PLEKHM2: variants seen among roughly 807,000 people sequenced by gnomAD.
PLEKHM2 encodes the protein pleckstrin homology domain-containing family M member 2.
PLEKHM2 carries 77 observed loss-of-function variants against 116.3 expected under a neutral mutation model. The ratio of observed to expected loss-of-function variants is 0.66; its 90% CI spans 0.55 to 0.80. PLEKHM2 has a LOEUF of 0.80. Ranked by LOEUF, PLEKHM2 falls within the 30% of genes least tolerant of loss-of-function variation. The pLI is 0.00. For synonymous variants in PLEKHM2, 562 were observed against 571.0 expected (o/e 0.98, Z 0.22); for missense variants, 1,183 against 1,354.9 (o/e 0.87, Z 1.99).
At chr1:15,683,609 G>T (rs2148322143), upstream of PLEKHM2, among the ~76,000 whole-genome samples, 1 of 151,106 alleles carries the variant, frequency 6.6e-6, no homozygotes, top group South Asian at 2.1e-4. Flanking sequence ...GGCTGAGGAG[G>T]GCTGTGGGGA....
chr1:15,733,343 TGGG>T (rs916007799), intron 19 of PLEKHM2, among the ~76,000 whole-genome samples: 2 of 152,332 alleles, frequency 1.3e-5, no homozygotes, highest in African/African-American at 4.8e-5. Context: ...TGTGCTCAGA[TGGG>T]GGGACACAAT....
chr1:15,721,484 A>G lies in PLEKHM2; in HGVS notation c.712+96A>G, dbSNP rs2067997084. 1.4e-6 allele frequency: 1 copy of G among 726,836 alleles called. No homozygotes were observed. Among genetic ancestry groups the G allele is most frequent in the Non-Finnish European group, 2.3e-6 (1 of 432,826 alleles). The allele number at this position is 726,836 out of a possible 1,614,324, so 45.0% of individuals were successfully genotyped here. On this transcript the variant is annotated intron_variant, in intron 7 of 19. Coordinates refer to ENST00000375799, the MANE Select transcript of PLEKHM2 (RefSeq NM_015164.4). The surrounding 1 kb of genome is among the most constrained non-coding windows in gnomAD (Gnocchi z 5.1). Reference sequence around the variant, plus strand: ...TCAAATCAGCTCCTTATTATTTATAATAATATCCATAATCATAATAAAGCC... The same window carrying G: ...TCAAATCAGCTCCTTATTATTTATAGTAATATCCATAATCATAATAAAGCC...
At chr1:15,712,894 AG>A (rs1641364274) in intron 1 of PLEKHM2, among the ~76,000 whole-genome samples, 1 of 151,918 alleles carries the variant, frequency 6.6e-6, no homozygotes, top group Admixed American at 6.6e-5. Flanking sequence ...TCCACCTCCT[AG>A]GGTCAAGCGA....
chr1:15,693,641 C>T (rs941750310), intron 1 of PLEKHM2, among the ~76,000 whole-genome samples: 4 of 152,216 alleles, frequency 2.6e-5, no homozygotes, highest in Admixed American at 1.3e-4. Context: ...TTATGGCTAA[C>T]ACTCCGGAGC....
In PLEKHM2 at chr1:15,733,997, T is replaced by C; in HGVS notation, c.*63T>C. ...AAGGCACGCCAGCCGGCAGGCACAC[T>C]GTCACGGCTGTTGTCATGCTGTCGG... On this transcript the variant is annotated 3_prime_UTR_variant, in exon 20 of 20. Transcript: ENST00000375799. 1.3e-6 allele frequency: 2 copies of C among 1,533,434 alleles called. No individual in the cohort carries two copies. The highest frequency in any genetic ancestry group is 1.9e-5 in the Admixed American group (1 of 51,604). 95.0% of individuals were successfully genotyped at this position (1,533,434 alleles called of 1,614,324 possible). A position where few individuals can be genotyped will look rare whatever the true frequency, so the allele number is the denominator to read the frequency against.
intron 1 of PLEKHM2, among the ~76,000 whole-genome samples, chr1:15,698,836 G>T (rs1248919550): frequency 1.3e-5 from 2 of 151,998 alleles, no homozygotes; most frequent in African/African-American, 4.8e-5. Context: ...GGTGTGAGCC[G>T]CTGTGCCTGG....
In PLEKHM2 at chr1:15,724,206, C is replaced by T. The variant is rs141381489; in HGVS notation, c.713-1111C>T. On this transcript the variant is annotated intron_variant, in intron 7 of 19. Transcript: ENST00000375799. ...ACTTGAATGAAATGGAGTTCTCGGC[C>T]GGGCACGGTGGCTCACGCCTGTAAT... is the stretch of plus-strand genomic sequence containing the variant. 3.3e-3 allele frequency among the ~76,000 whole-genome samples: 497 copies of T among 152,242 alleles called. 6 individuals carry two copies. Among genetic ancestry groups the T allele is most frequent in the African/African-American group, 0.011 (473 of 41,550 alleles).
In PLEKHM2 at chr1:15,728,384, G is replaced by A. The variant is rs541010985; in HGVS notation, c.1921+27G>A. 1.0e-5 allele frequency: 16 copies of A among 1,592,910 alleles called. No homozygotes were observed. The highest frequency in any genetic ancestry group is 1.7e-4 in the Middle Eastern group (1 of 5,730). ...TGCCCGCCGCCCCCGGGCAGACAGC[G>A]GGTTGTAGACGAGGCTGACTCTCAG... is the stretch of plus-strand genomic sequence containing the variant. On this transcript the variant is annotated intron_variant, in intron 11 of 19. Transcript: ENST00000375799. This position sits in a 1 kb window ranked among gnomAD's most constrained non-coding sequence, Gnocchi z 5.9.
chr1:15,693,934 C>T (rs962999376), intron 1 of PLEKHM2, among the ~76,000 whole-genome samples: 11 of 152,150 alleles, frequency 7.2e-5, no homozygotes, highest in African/African-American at 2.7e-4. Flanking sequence ...CCATCTCAGG[C>T]ATCAGGATTC....
In PLEKHM2 at chr1:15,717,966, G is replaced by T. The variant is rs959070620; in HGVS notation, c.351G>T (p.Leu117=). 3 of 1,595,910 alleles carry T rather than the reference G, an allele frequency of 1.9e-6. No individual in the cohort carries two copies. The highest frequency in any genetic ancestry group is 2.6e-6 in the Non-Finnish European group (3 of 1,170,918). ...ACCTGCGGTTGTTCCAGGAGAACCTGGGCCTGCTGCATAAGTACTACGTCA... is the reference window on the plus strand; with the variant it reads ...ACCTGCGGTTGTTCCAGGAGAACCTTGGCCTGCTGCATAAGTACTACGTCA... ...ESYLRLFQEN[L]GLLHKYYVKN... is the part of the protein sequence containing the mutation. Residue 117 remains leucine, a synonymous_variant, in exon 4 of 20, where the codon CTG becomes CTT. Coordinates refer to ENST00000375799, the MANE Select transcript of PLEKHM2 (RefSeq NM_015164.4).
chr1:15,690,404 T>C (rs1045912194), intron 1 of PLEKHM2, among the ~76,000 whole-genome samples: 1 of 152,214 alleles, frequency 6.6e-6, no homozygotes, highest in Non-Finnish European at 1.5e-5. Context: ...GCTCCAACTT[T>C]TTCTTAAAAG....
intron 1 of PLEKHM2, among the ~76,000 whole-genome samples, chr1:15,686,151 G>A (rs1640764734): frequency 6.6e-6 from 1 of 152,222 alleles, no homozygotes; most frequent in Admixed American, 6.5e-5. Flanking sequence ...TGTAAGTCAG[G>A]CTGTCACTTA....
In PLEKHM2 at chr1:15,727,839, A is replaced by C. The variant is rs1310761972; in HGVS notation, c.1760+7A>C. 3.9e-6 allele frequency: 6 copies of C among 1,547,992 alleles called. No homozygotes were observed. In the African/African-American group the frequency reaches 8.2e-5, roughly 21 times the overall value. On this transcript the variant is annotated splice_region_variant and intron_variant, in intron 9 of 19. Transcript: ENST00000375799. The surrounding 1 kb of genome is among the most constrained non-coding windows in gnomAD (Gnocchi z 7.5). ...TCCATTCCTCGGAGTTCAGGTAACAAGACTCTGCAGCTGGCATGGGACTCT... is the reference window on the plus strand; with the variant it reads ...TCCATTCCTCGGAGTTCAGGTAACACGACTCTGCAGCTGGCATGGGACTCT...
intron 1 of PLEKHM2, among the ~76,000 whole-genome samples, chr1:15,701,129 A>G (rs1424241515): frequency 2.2e-4 from 30 of 136,256 alleles, no homozygotes; most frequent in Middle Eastern, 3.8e-3. Context: ...AAAAAAAAAA[A>G]GGGGGTGGGG....
At position 15,697,784 on chromosome 1, in the gene PLEKHM2, C is replaced by T. The variant is rs148065351; in HGVS notation, c.60+13166C>T. On this transcript the variant is annotated intron_variant, in intron 1 of 19. Coordinates refer to ENST00000375799, the MANE Select transcript of PLEKHM2 (RefSeq NM_015164.4). ...TAGCTGGGACTACAGGTGTATGCCA[C>T]CATGCCCAGCTAATTTTTTTTTTTT... is the stretch of plus-strand genomic sequence containing the variant. Among the ~76,000 whole-genome samples the T allele has an allele frequency of 5.2e-3, 787 of 152,206 alleles. 7 individuals carry two copies. Among genetic ancestry groups the T allele is most frequent in the African/African-American group, 0.018 (749 of 41,508 alleles).
At chr1:15,725,580 C>A (rs1442740474) in intron 8 of PLEKHM2, 35 bp downstream of exon 8, 1 of 1,460,924 alleles carries the variant, frequency 6.8e-7, no homozygotes, top group East Asian at 2.5e-5. Flanking sequence ...GAGCTGAGGT[C>A]CTGGGGTCCA....
intron 1 of PLEKHM2, among the ~76,000 whole-genome samples, chr1:15,685,101 G>T (rs1640741348): frequency 1.3e-5 from 2 of 152,276 alleles, no homozygotes; most frequent in Non-Finnish European, 2.9e-5. Flanking sequence ...CTCCTGGGAA[G>T]TCCCCTGAAT....
At chr1:15,685,569 G>GA (rs1640753971) in intron 1 of PLEKHM2, among the ~76,000 whole-genome samples, 1 of 120,228 alleles carries the variant, frequency 8.3e-6, no homozygotes, top group African/African-American at 3.2e-5. Flanking sequence ...AAGAAAGAAA[G>GA]AAAGAAAAAA....
chr1:15,724,376 G>A (rs201514877), intron 7 of PLEKHM2, among the ~76,000 whole-genome samples: 61 of 152,228 alleles, frequency 4.0e-4, no homozygotes, highest in Middle Eastern at 3.4e-3. Context: ...CTAGCTACTC[G>A]GGAGGCTAAG....
Sources: gnomAD v4.1 joint callset for allele counts (sites outside exome capture counted in the v4.1 genomes callset) on GRCh38, gnomAD v4.1.1 for gene constraint, Gnocchi (gnomAD v3.1) non-coding constraint, MANE v1.5 for transcripts, NCBI Gene and HGNC (gene_info 2026-07-23, HGNC 2026-07-21) for gene names.